Variants in TIAM2 observed in about 807,000 individuals in gnomAD.
The protein encoded by TIAM2 is TIAM Rac1 associated GEF 2.
TIAM2 carries 80 observed loss-of-function variants against 152.9 expected under a neutral mutation model. The observed-to-expected ratio is 0.52, with a 90% CI of 0.44 to 0.63. The LOEUF is 0.63. TIAM2 is among the 30% of genes least tolerant of loss of function. The probability of loss-of-function intolerance (pLI) is 0.00; values close to 1 mark genes in which losing one functional copy is unlikely to be tolerated. For missense variants in TIAM2, 1,965 were observed against 2,120.1 expected (o/e 0.93, Z 1.44); for synonymous variants, 804 against 838.0 (o/e 0.96, Z 0.70).
chr6:155,129,907 C>T lies in TIAM2; in HGVS notation c.684C>T (p.Pro228=). 1.2e-6 allele frequency: 2 copies of T among 1,613,914 alleles called. No individual in the cohort carries two copies. Among genetic ancestry groups the T allele is most frequent in the Admixed American group, 1.7e-5 (1 of 60,026 alleles). ...CCGATTCCCTGCCCAGCCATCGCCC[C>T]TCTCCCACGGACTCTCGCCTGCGGT... is the stretch of plus-strand genomic sequence containing the variant. ...SSADSLPSHR[P]SPTDSRLRSS... is the part of the protein sequence containing the mutation. Residue 228 remains proline, a synonymous_variant, in exon 4 of 27, where the codon CCC becomes CCT. Transcript: ENST00000682666. The surrounding 1 kb of genome is among the most constrained non-coding windows in gnomAD (Gnocchi z 4.8).
chr6:155,022,483 T>C (rs1403693818), intron 1 of TIAM2: 1 of 152,246 alleles, frequency 6.6e-6, no homozygotes, highest in Non-Finnish European at 1.5e-5. Flanking sequence ...GTATTTTTAG[T>C]AGAGACAGGG....
chr6:154,997,477 A>G (rs1164227086), intron 1 of TIAM2, among the ~76,000 whole-genome samples: 4 of 152,022 alleles, frequency 2.6e-5, no homozygotes, highest in Non-Finnish European at 5.9e-5. Flanking sequence ...ATTGGAGAGG[A>G]TACATTTGGC....
chr6:155,178,678 G>A (rs1780818489), intron 10 of TIAM2, among the ~76,000 whole-genome samples: 1 of 152,014 alleles, frequency 6.6e-6, no homozygotes, highest in African/African-American at 2.4e-5. Flanking sequence ...GGGTTCAATC[G>A]ATTCTCCTGC....
chr6:155,227,536 C>T (rs1782291755), intron 15 of TIAM2, among the ~76,000 whole-genome samples: 1 of 152,190 alleles, frequency 6.6e-6, no homozygotes, highest in Non-Finnish European at 1.5e-5. Context: ...TGACACCACA[C>T]TGCCTCGTAA....
At chr6:155,170,484 G>A (rs1247387474) in intron 9 of TIAM2, among the ~76,000 whole-genome samples, 1 of 152,070 alleles carries the variant, frequency 6.6e-6, no homozygotes, top group African/African-American at 2.4e-5. Flanking sequence ...GAGTGTAGTG[G>A]CTTGCTCCTC....
At chr6:155,181,883 C>T (rs1780911078) in intron 12 of TIAM2, among the ~76,000 whole-genome samples, 2 of 152,190 alleles carry the variant, frequency 1.3e-5, no homozygotes, top group Admixed American at 1.3e-4. Flanking sequence ...GAATGATACT[C>T]CACTGTATGC....
chr6:155,171,449 C>T (rs1293467460), intron 9 of TIAM2, among the ~76,000 whole-genome samples: 2 of 152,238 alleles, frequency 1.3e-5, no homozygotes, highest in South Asian at 2.1e-4. Flanking sequence ...TGTGACAGCC[C>T]CTGGGCCTTG....
At chr6:155,222,892 C>T (rs2115246217) in intron 15 of TIAM2, among the ~76,000 whole-genome samples, 1 of 152,344 alleles carries the variant, frequency 6.6e-6, no homozygotes, top group African/African-American at 2.4e-5. Flanking sequence ...TTAGAATTTG[C>T]TTCGGTCGTT....
At chr6:155,038,646 G>C (rs1583163480) in intron 1 of TIAM2, among the ~76,000 whole-genome samples, 2 of 152,284 alleles carry the variant, frequency 1.3e-5, no homozygotes, top group East Asian at 3.9e-4. Flanking sequence ...ATGAAGAGTA[G>C]GCCTGGCTGG....
In TIAM2 at chr6:155,026,231, C is replaced by T. The variant is rs148951962; in HGVS notation, c.-209+30739C>T. ...TTAAGACCTGGGTAAGCTGTCACAC[C>T]ATAAAATGTTAAACAGTATTCCCCT... On this transcript the variant is annotated intron_variant, in intron 1 of 26. Coordinates refer to ENST00000682666, the MANE Select transcript of TIAM2 (RefSeq NM_012454.4). Among the ~76,000 whole-genome samples the T allele has an allele frequency of 8.1e-4, 123 of 152,246 alleles. 2 individuals are homozygous for T. Among genetic ancestry groups the T allele is most frequent in the African/African-American group, 2.9e-3 (121 of 41,560 alleles).
At chr6:155,029,454 AT>A (rs1389009639) in intron 1 of TIAM2, among the ~76,000 whole-genome samples, 8 of 48,464 alleles carry the variant, frequency 1.7e-4, no homozygotes, top group East Asian at 1.1e-3. Context: ...TATAGTATAT[AT>A]TATATATAAT....
chr6:155,070,052 G>A (rs181715469), intron 1 of TIAM2, among the ~76,000 whole-genome samples: 16 of 150,386 alleles, frequency 1.1e-4, no homozygotes, highest in Admixed American at 8.0e-4. Context: ...GATTACAGGC[G>A]TCTACCACCA....
chr6:155,023,256 G>A (rs1776534719), intron 1 of TIAM2, among the ~76,000 whole-genome samples: 1 of 152,110 alleles, frequency 6.6e-6, no homozygotes, highest in Admixed American at 6.6e-5. Context: ...CAGGTACCTG[G>A]CACCTGGCTC....
intron 15 of TIAM2, among the ~76,000 whole-genome samples, chr6:155,235,859 T>G (rs1782725288): frequency 6.6e-6 from 1 of 152,228 alleles, no homozygotes; most frequent in Non-Finnish European, 1.5e-5. Context: ...ATTTGTAAGA[T>G]CTCGTTACTT....
chr6:155,068,774 A>C (rs1311788941), intron 1 of TIAM2, among the ~76,000 whole-genome samples: 1 of 151,838 alleles, frequency 6.6e-6, no homozygotes, highest in South Asian at 2.1e-4. Flanking sequence ...GCGATTGTTT[A>C]TTTTTTATTT....
At chr6:155,115,125 G>A (rs1240054297) in intron 2 of TIAM2, among the ~76,000 whole-genome samples, 1 of 149,938 alleles carries the variant, frequency 6.7e-6, no homozygotes, top group East Asian at 2.0e-4. Flanking sequence ...ACTGGGCCTG[G>A]CCAAACCACT....
At chr6:155,029,425 ACT>A (rs1562295080) in intron 1 of TIAM2, among the ~76,000 whole-genome samples, 6 of 10,288 alleles carry the variant, frequency 5.8e-4, no homozygotes, top group African/African-American at 1.8e-3. Flanking sequence ...TACTATATAT[ACT>A]ATAGTATATA....
chr6:155,187,573 C>CCCTTTTTTTTTT (rs1189509294), intron 14 of TIAM2, among the ~76,000 whole-genome samples: 3 of 49,616 alleles, frequency 6.0e-5, no homozygotes, highest in African/African-American at 1.6e-4. Context: ...ACCCCGCCCC[C>CCCTTTTTTTTTT]TTTTTTTTTT....
chr6:155,089,543 G>C (rs2114977996), intron 1 of TIAM2, among the ~76,000 whole-genome samples: 1 of 152,200 alleles, frequency 6.6e-6, no homozygotes, highest in South Asian at 2.1e-4. Context: ...CTGATCCTTT[G>C]GCACTACCCA....
Sources: allele counts gnomAD v4.1 joint callset (sites outside exome capture counted in the v4.1 genomes callset), GRCh38; gene constraint gnomAD v4.1.1; non-coding constraint Gnocchi (gnomAD v3.1); transcripts MANE v1.5; gene names NCBI Gene and HGNC (gene_info 2026-07-23, HGNC 2026-07-21).